XIRP2: variants seen among roughly 807,000 people sequenced by gnomAD.
XIRP2 encodes xin actin binding repeat containing 2.
XIRP2 carries 236 observed loss-of-function variants against 277.0 expected under a neutral mutation model. That is an observed-to-expected ratio of 0.85 (90% CI 0.77 to 0.95). XIRP2 has a LOEUF of 0.95. XIRP2 is among the 40% of genes least tolerant of loss of function. The probability of loss-of-function intolerance (pLI) is 0.00; values close to 1 mark genes in which losing one functional copy is unlikely to be tolerated. For synonymous variants in XIRP2, 1,490 were observed against 1,416.5 expected (o/e 1.05, Z -1.17); for missense variants, 4,640 against 4,157.5 (o/e 1.12, Z -3.19).
intron 2 of XIRP2, among the ~76,000 whole-genome samples, chr2:167,072,269 A>G (rs1488482197): frequency 6.6e-6 from 1 of 152,146 alleles, no homozygotes; most frequent in Non-Finnish European, 1.5e-5. Flanking sequence ...GGAATATTTT[A>G]TGGGAGGGTA....
intron 3 of XIRP2, among the ~76,000 whole-genome samples, chr2:167,205,126 G>T (rs959981008): frequency 6.6e-6 from 1 of 152,006 alleles, no homozygotes; most frequent in Admixed American, 6.6e-5. Context: ...TGCCTTTCCT[G>T]ACACCTGCCT....
chr2:167,196,326 A>G (rs1413666256), intron 3 of XIRP2, among the ~76,000 whole-genome samples: 4 of 151,908 alleles, frequency 2.6e-5, no homozygotes, highest in African/African-American at 9.7e-5. Context: ...TGAAGCTGAG[A>G]TCTGATGGAG....
At chr2:167,011,748 G>C (rs942459746) in intron 2 of XIRP2, among the ~76,000 whole-genome samples, 3 of 151,902 alleles carry the variant, frequency 2.0e-5, no homozygotes, top group African/African-American at 7.3e-5. Context: ...CACAATTTCA[G>C]AGCCTGTTAT....
At chr2:166,932,212 C>G (rs1391975715) in intron 2 of XIRP2, among the ~76,000 whole-genome samples, 2 of 150,882 alleles carry the variant, frequency 1.3e-5, no homozygotes, top group Non-Finnish European at 3.0e-5. Flanking sequence ...CTCTCTCTCT[C>G]TCTCTTTTTT....
chr2:167,188,329 A>G (rs1693223977), intron 3 of XIRP2, among the ~76,000 whole-genome samples: 1 of 152,218 alleles, frequency 6.6e-6, no homozygotes, highest in Non-Finnish European at 1.5e-5. Flanking sequence ...TGATAACAGA[A>G]TCTCTTAAGA....
rs1215828388 is a variant in XIRP2 at position 167,246,745 on chromosome 2, G to A, written c.5353G>A (p.Val1785Ile). ...EGEKEIIGGD[V>I]EGTKLLLKKR... ...AGAGAAAGAAATCATTGGTGGTGAT[G>A]TTGAAGGTACAAAACTGTTACTGAA... The change falls in exon 9 of 11, where the codon GTT (valine) becomes ATT (isoleucine). Residue 1785 changes from valine to isoleucine, a missense_variant. Transcript: ENST00000409195. 1 of 1,613,828 alleles carries A rather than the reference G, an allele frequency of 6.2e-7. No individual in the cohort carries two copies. The highest frequency in any genetic ancestry group is 1.7e-5 in the Admixed American group (1 of 59,998).
chr2:166,970,187 T>G lies in XIRP2; in HGVS notation c.408+66297T>G, dbSNP rs1028161820. ...CTCTATATCCTTCAGCTTAGTATTT[T>G]TACCCTTACTTTTTGATAACTATCT... On this transcript the variant is annotated intron_variant, in intron 2 of 10. Transcript: ENST00000409195. 2.0e-5 allele frequency among the ~76,000 whole-genome samples: 3 copies of G among 152,164 alleles called. No homozygotes were observed. The East Asian group carries it at 5.8e-4, about 30-fold the overall frequency.
chr2:167,248,983 C>G lies in XIRP2; in HGVS notation c.7591C>G (p.Gln2531Glu). 1.2e-6 allele frequency: 2 copies of G among 1,613,162 alleles called. No homozygotes were observed. The highest frequency in any genetic ancestry group is 2.2e-5 in the South Asian group (2 of 90,924). Residue 2531 changes from glutamine to glutamate, a missense_variant, in exon 9 of 11, where the codon CAA becomes GAA. Transcript: ENST00000409195. ...TTCATTTCCAGAGAGTTCAGGACAA[C>G]AAAATCCAAAACCTTATATGAGAAA... ...SHSFPESSGQ[Q>E]NPKPYMRKFK...
intron 9 of XIRP2, among the ~76,000 whole-genome samples, chr2:167,253,094 A>C (rs756473027): frequency 6.6e-6 from 1 of 151,946 alleles, no homozygotes; most frequent in Non-Finnish European, 1.5e-5. Flanking sequence ...TAAAGTAGAT[A>C]TAATTATTTG....
intron 2 of XIRP2, among the ~76,000 whole-genome samples, chr2:166,933,446 G>A (rs1007351406): frequency 1.3e-5 from 2 of 151,890 alleles, no homozygotes; most frequent in African/African-American, 2.4e-5. Flanking sequence ...ACTGTGCCCG[G>A]CCAACTTATA....
intron 4 of XIRP2, among the ~76,000 whole-genome samples, chr2:167,217,258 A>G (rs1573966668): frequency 6.7e-6 from 1 of 149,572 alleles, no homozygotes; most frequent in African/African-American, 2.5e-5. Flanking sequence ...CAATGTGCAC[A>G]TGTACCCTAA....
intron 2 of XIRP2, among the ~76,000 whole-genome samples, chr2:166,911,593 C>A (rs555072870): frequency 1.3e-5 from 2 of 152,234 alleles, no homozygotes; most frequent in South Asian, 4.2e-4. Flanking sequence ...TTAATTGGAG[C>A]ATTTAGCCCA....
At chr2:166,949,506 C>A (rs1685972521) in intron 2 of XIRP2, among the ~76,000 whole-genome samples, 1 of 152,036 alleles carries the variant, frequency 6.6e-6, no homozygotes, top group African/African-American at 2.4e-5. Flanking sequence ...GCAATTTTCA[C>A]CTTGAGGGGT....
At chr2:167,095,403 G>A (rs370342641) in intron 2 of XIRP2, among the ~76,000 whole-genome samples, 21 of 152,238 alleles carry the variant, frequency 1.4e-4, no homozygotes, top group African/African-American at 4.1e-4. Flanking sequence ...GTTTTCAAAG[G>A]GAATGCTTCC....
chr2:167,230,828 T>G (rs1047157267), intron 5 of XIRP2, among the ~76,000 whole-genome samples: 2 of 152,062 alleles, frequency 1.3e-5, no homozygotes, highest in Admixed American at 6.6e-5. Flanking sequence ...TCTCCTTCAG[T>G]GCTCCCTCAG....
chr2:167,003,228 GAA>G (rs10714116), intron 2 of XIRP2, among the ~76,000 whole-genome samples: 2 of 150,162 alleles, frequency 1.3e-5, no homozygotes, highest in East Asian at 2.0e-4. Context: ...GGCATAGGTA[GAA>G]AAAAAAAGAT....
chr2:167,085,925 A>G (rs1373616397), intron 2 of XIRP2, among the ~76,000 whole-genome samples: 4 of 152,100 alleles, frequency 2.6e-5, no homozygotes, highest in African/African-American at 7.2e-5. Context: ...TTTAATTGGA[A>G]CATTTAGCCC....
At chr2:167,181,853 G>A (rs1278478084) in intron 3 of XIRP2, among the ~76,000 whole-genome samples, 10 of 152,234 alleles carry the variant, frequency 6.6e-5, no homozygotes, top group Non-Finnish European at 1.3e-4. Flanking sequence ...AGTCAAGACG[G>A]TCCACATTTG....
intron 3 of XIRP2, among the ~76,000 whole-genome samples, chr2:167,164,256 C>A (rs182669298): frequency 6.6e-6 from 1 of 151,044 alleles, no homozygotes; most frequent in African/African-American, 2.4e-5. Context: ...CTGGCTAACA[C>A]GGTGAAACCC....
Sources: gnomAD v4.1 joint callset for allele counts (sites outside exome capture counted in the v4.1 genomes callset) on GRCh38, gnomAD v4.1.1 for gene constraint, MANE v1.5 for transcripts, NCBI Gene and HGNC (gene_info 2026-07-23, HGNC 2026-07-21) for gene names.